The following ZBTB38 variants were observed in gnomAD, a reference collection of about 807,000 sequenced individuals.
ZBTB38 encodes the protein zinc finger and BTB domain-containing protein 38.
A neutral mutation model predicts 76.8 loss-of-function variants in ZBTB38; 20 were observed. The observed-to-expected ratio is 0.26, with a 90% CI of 0.18 to 0.38. The LOEUF (loss-of-function observed/expected upper bound fraction) is 0.38. Ranked by LOEUF, ZBTB38 falls within the 10% of genes least tolerant of loss-of-function variation. The pLI, the probability that ZBTB38 is intolerant of heterozygous loss-of-function variation, is 1.00. For missense variants in ZBTB38, 1,082 were observed against 1,482.3 expected, an observed-to-expected ratio of 0.73 and a Z score of 4.43; for synonymous variants, 504 against 544.2, an observed-to-expected ratio of 0.93 and a Z score of 1.03.
intron 5 of ZBTB38, chr3:141,432,063 C>T (rs2077736568): frequency 3.0e-6 from 3 of 985,200 alleles, no homozygotes; most frequent in Non-Finnish European, 3.6e-6. Flanking sequence ...CCCAACATGA[C>T]TTTGAGAAAA....
intron 5 of ZBTB38, among the ~76,000 whole-genome samples, chr3:141,426,803 C>T (rs147261844): frequency 6.6e-6 from 1 of 152,190 alleles, no homozygotes; most frequent in Admixed American, 6.5e-5. Flanking sequence ...AAAGATTGCT[C>T]TTTTTCTTCC....
chr3:141,329,970 A>G (rs1942794895), intron 1 of ZBTB38, among the ~76,000 whole-genome samples: 1 of 151,816 alleles, frequency 6.6e-6, no homozygotes, highest in African/African-American at 2.4e-5. Context: ...CTCTATAAAA[A>G]AATTTATATA....
chr3:141,360,665 G>A (rs374752638), intron 1 of ZBTB38, among the ~76,000 whole-genome samples: 2 of 152,088 alleles, frequency 1.3e-5, no homozygotes, highest in South Asian at 2.1e-4. Context: ...GGCAGGTCCC[G>A]TCATTTTTCT....
intron 5 of ZBTB38, among the ~76,000 whole-genome samples, chr3:141,410,080 G>C (rs1346444538): frequency 6.6e-6 from 1 of 152,168 alleles, no homozygotes; most frequent in Non-Finnish European, 1.5e-5. Context: ...CCGGCTCTAA[G>C]GTGTAGTACT....
intron 1 of ZBTB38, among the ~76,000 whole-genome samples, chr3:141,334,810 G>A (rs1368247038): frequency 6.6e-6 from 1 of 152,200 alleles, no homozygotes; most frequent in Non-Finnish European, 1.5e-5. Flanking sequence ...TACCTGAGAA[G>A]TGAGCTTTAA....
intron 1 of ZBTB38, among the ~76,000 whole-genome samples, chr3:141,335,464 G>C (rs933714425): frequency 3.3e-5 from 5 of 152,326 alleles, no homozygotes; most frequent in African/African-American, 1.2e-4. Context: ...GGCTTAGATG[G>C]CTGGAAAACA....
At chr3:141,345,732 GGGTGGGA>G (rs1943334091) in intron 1 of ZBTB38, among the ~76,000 whole-genome samples, 1 of 152,084 alleles carries the variant, frequency 6.6e-6, no homozygotes, top group African/African-American at 2.4e-5. Context: ...GTGTGTCTTG[GGGTGGGA>G]GGTGGGAGGC....
intron 5 of ZBTB38, among the ~76,000 whole-genome samples, chr3:141,410,882 C>A (rs180736788): frequency 6.6e-6 from 1 of 152,298 alleles, no homozygotes; most frequent in Admixed American, 6.5e-5. Context: ...CTGGCCACTA[C>A]TGTGAGTGTT....
At chr3:141,372,987 A>G (rs1219779324) in intron 2 of ZBTB38, among the ~76,000 whole-genome samples, 1 of 152,156 alleles carries the variant, frequency 6.6e-6, no homozygotes, top group Admixed American at 6.5e-5. Context: ...CCTGATTTCT[A>G]ATTTCTAGCT....
At chr3:141,334,726 CT>C (rs2148890186) in intron 1 of ZBTB38, among the ~76,000 whole-genome samples, 1 of 152,210 alleles carries the variant, frequency 6.6e-6, no homozygotes, top group African/African-American at 2.4e-5. Context: ...TCCTAGCCCC[CT>C]GCATGCGCTA....
At chr3:141,406,127 G>A (rs1422348079) in intron 5 of ZBTB38, among the ~76,000 whole-genome samples, 1 of 152,206 alleles carries the variant, frequency 6.6e-6, no homozygotes, top group Non-Finnish European at 1.5e-5. Flanking sequence ...AACATTCAGT[G>A]CCAAATGATA....
intron 4 of ZBTB38, chr3:141,392,940 T>C (rs1386879374): frequency 6.6e-6 from 1 of 152,236 alleles, no homozygotes; most frequent in African/African-American, 2.4e-5. Flanking sequence ...TGCCTTAGCC[T>C]AAATGTCTCA....
intron 1 of ZBTB38, among the ~76,000 whole-genome samples, chr3:141,356,399 A>C (rs190384996): frequency 1.3e-5 from 2 of 152,206 alleles, no homozygotes; most frequent in East Asian, 3.9e-4. Context: ...TTTCTCACTC[A>C]TACAAAAGTG....
At chr3:141,423,906 A>G (rs1249423112) in intron 5 of ZBTB38, among the ~76,000 whole-genome samples, 1 of 152,254 alleles carries the variant, frequency 6.6e-6, no homozygotes, top group Non-Finnish European at 1.5e-5. Flanking sequence ...TCCCCTTTGC[A>G]TCAAGAGAAA....
At chr3:141,364,084 G>A (rs1943890848), upstream of ZBTB38, among the ~76,000 whole-genome samples, 1 of 148,824 alleles carries the variant, frequency 6.7e-6, no homozygotes, top group South Asian at 2.1e-4. Flanking sequence ...ATCTGGTAAG[G>A]GACTTTTGTC....
In ZBTB38 at chr3:141,375,165, T is replaced by A. The variant is rs9858591; in HGVS notation, c.-235+5219T>A. 3.1e-3 allele frequency among the ~76,000 whole-genome samples: 467 copies of A among 152,364 alleles called. 2 individuals are homozygous for A. The highest frequency in any genetic ancestry group is 0.01 in the African/African-American group (422 of 41,592). On this transcript the variant is annotated intron_variant, in intron 2 of 5. Transcript: ENST00000321464. Reference sequence around the variant, plus strand: ...TTAAAGTCTTTTTTTGGCTTCTGATTTTTAGATTTTCCTTTAACTGTAATA... The same window carrying A: ...TTAAAGTCTTTTTTTGGCTTCTGATATTTAGATTTTCCTTTAACTGTAATA...
chr3:141,369,045 G>A (rs1164395487), intron 1 of ZBTB38, among the ~76,000 whole-genome samples: 1 of 146,856 alleles, frequency 6.8e-6, no homozygotes, highest in African/African-American at 2.5e-5. Context: ...GGGGAGAACA[G>A]CCCAACTGAT....
At chr3:141,362,393 AC>A (rs1169839105) in intron 1 of ZBTB38, among the ~76,000 whole-genome samples, 1 of 152,034 alleles carries the variant, frequency 6.6e-6, no homozygotes, top group Non-Finnish European at 1.5e-5. Context: ...TATGATCTAA[AC>A]CCCCCACATC....
Position 141,444,631 on chromosome 3 carries a change from C to G in ZBTB38, c.2243C>G (p.Ala748Gly). Residue 748 changes from alanine (A) to glycine (G), a missense_variant, in exon 6 of 6, where the codon GCT (alanine) becomes GGT (glycine). Coordinates refer to ENST00000321464, the MANE Select transcript of ZBTB38 (RefSeq NM_001376113.1). This position sits in a 1 kb window ranked among gnomAD's most constrained non-coding sequence, Gnocchi z 5.1. ...AACCACAGAGCCTTTTCAGACCCAG[C>G]TGTCAGTCAGTCCCTGAAAGATGAC... ...SSNHRAFSDPAVSQSLKDDSK... is the reference protein window; with the variant it reads ...SSNHRAFSDPGVSQSLKDDSK... 1 of 1,614,180 alleles carries G rather than the reference C, an allele frequency of 6.2e-7. No homozygotes were observed. The highest frequency in any genetic ancestry group is 8.5e-7 in the Non-Finnish European group (1 of 1,180,036).
Sources: gnomAD v4.1 joint callset for allele counts (sites outside exome capture counted in the v4.1 genomes callset) on GRCh38, gnomAD v4.1.1 for gene constraint, Gnocchi (gnomAD v3.1) non-coding constraint, MANE v1.5 for transcripts, NCBI Gene and HGNC (gene_info 2026-07-23, HGNC 2026-07-21) for gene names.